HSPA4: variants seen among roughly 807,000 people sequenced by gnomAD.
HSPA4 encodes heat shock protein family A (Hsp70) member 4, also known as heat shock 70 kDa protein 4.
HSPA4 carries 25 observed loss-of-function variants against 106.2 expected under a neutral mutation model. The ratio of observed to expected loss-of-function variants is 0.24; its 90% CI spans 0.17 to 0.33. HSPA4 has a LOEUF of 0.33. Among genes scored for constraint, HSPA4 ranks in the 10% least tolerant of loss-of-function variants. HSPA4 has a pLI of 1.00. For synonymous variants in HSPA4, 332 were observed against 333.6 expected, an observed-to-expected ratio of 1.00 and a Z score of 0.05; for missense variants, 841 against 996.0, an observed-to-expected ratio of 0.84 and a Z score of 2.10.
chr5:133,070,948 C>G (rs1157913537), intron 4 of HSPA4, among the ~76,000 whole-genome samples: 2 of 152,032 alleles, frequency 1.3e-5, no homozygotes, highest in African/African-American at 2.4e-5. Flanking sequence ...TTCTTACTCT[C>G]TTCTGCTGCT....
intron 16 of HSPA4, 166 bp from the exon 17 acceptor site, chr5:133,101,593 C>T: frequency 1.7e-6 from 1 of 601,034 alleles, no homozygotes; most frequent in Non-Finnish European, 2.8e-6. Flanking sequence ...GGTATAGTTT[C>T]ATTCCCCTCC....
intron 4 of HSPA4, among the ~76,000 whole-genome samples, chr5:133,071,509 G>A (rs1399772729): frequency 6.6e-6 from 1 of 152,132 alleles, no homozygotes; most frequent in Non-Finnish European, 1.5e-5. Context: ...GCATATCCCT[G>A]TTAAGATGGA....
intron 8 of HSPA4, among the ~76,000 whole-genome samples, chr5:133,087,371 T>C (rs771162963): frequency 6.6e-6 from 1 of 152,178 alleles, no homozygotes; most frequent in Non-Finnish European, 1.5e-5. Flanking sequence ...TGATTGCTAT[T>C]TCAGAGTGTT....
intron 7 of HSPA4, among the ~76,000 whole-genome samples, chr5:133,082,499 G>A (rs1179731632): frequency 2.6e-5 from 4 of 151,494 alleles, no homozygotes; most frequent in Non-Finnish European, 5.9e-5. Flanking sequence ...AAGTTCTCAC[G>A]TTGTCATGCA....
chr5:133,052,209 G>C lies in HSPA4; in HGVS notation c.-42G>C, dbSNP rs1423703046. 4 of 1,399,724 alleles carry C rather than the reference G, an allele frequency of 2.9e-6. No homozygotes were observed. Among genetic ancestry groups the C allele is most frequent in the South Asian group, 1.2e-5 (1 of 82,144 alleles). The allele number at this position is 1,399,724 out of a possible 1,614,324, so 86.7% of individuals were successfully genotyped here. A position where few individuals can be genotyped will look rare whatever the true frequency, so the allele number is the denominator to read the frequency against. The stretch of plus-strand genomic sequence containing the variant: ...CCGCCGGGGGTCCGTGTCCTGTCTC[G>C]GTGGCCGGACCCGGGCCCGAGCCCG... On this transcript the variant is annotated 5_prime_UTR_variant, in exon 1 of 19. Transcript: ENST00000304858.
At chr5:133,082,841 A>C (rs1581474527) in intron 7 of HSPA4, among the ~76,000 whole-genome samples, 1 of 152,272 alleles carries the variant, frequency 6.6e-6, no homozygotes, top group Non-Finnish European at 1.5e-5. Context: ...GAAACTATCA[A>C]AAAACCTCTA....
chr5:133,082,439 A>G (rs1447119447), intron 7 of HSPA4, among the ~76,000 whole-genome samples: 2 of 152,150 alleles, frequency 1.3e-5, no homozygotes, highest in Non-Finnish European at 2.9e-5. Flanking sequence ...CAATAATTAC[A>G]TACTTTATTT....
At chr5:133,095,310 A>G (rs538642761) in intron 13 of HSPA4, among the ~76,000 whole-genome samples, 1 of 152,160 alleles carries the variant, frequency 6.6e-6, no homozygotes, top group East Asian at 1.9e-4. Context: ...TCAAAAAAAC[A>G]AACAAAAAAA....
intron 7 of HSPA4, among the ~76,000 whole-genome samples, chr5:133,083,538 TA>T (rs750975203): frequency 3.9e-5 from 6 of 152,060 alleles, no homozygotes; most frequent in Non-Finnish European, 5.9e-5. Flanking sequence ...TTAATTTTTT[TA>T]TTATTATTAT....
Position 133,088,425 on chromosome 5 carries a change from A to G in HSPA4, c.1007A>G (p.Tyr336Cys), listed in dbSNP as rs757324515. ...EQTKLKKEDI[Y>C]AVEIVGGATR... ...ATAGAGTTAAAGAAAGAAGATATTT[A>G]TGCAGTGGAGATAGTTGGTGGTGCT... Residue 336 changes from tyrosine (Y) to cysteine (C), a missense_variant, in exon 9 of 19, where the codon TAT becomes TGT. Transcript: ENST00000304858. 6.2e-7 allele frequency: 1 copy of G among 1,610,498 alleles called. No homozygotes were observed.
intron 1 of HSPA4, 31 bp downstream of exon 1, chr5:133,052,388 T>TG (rs771554235): frequency 9.5e-6 from 13 of 1,367,258 alleles, no homozygotes; most frequent in East Asian, 5.1e-5. Context: ...CCGCGTGCAC[T>TG]GGGGTTAGGA....
intron 17 of HSPA4, among the ~76,000 whole-genome samples, chr5:133,102,496 A>G (rs1008034673): frequency 2.0e-5 from 3 of 152,130 alleles, no homozygotes; most frequent in Non-Finnish European, 2.9e-5. Flanking sequence ...TCCACACAGT[A>G]CCTTTATAAG....
At chr5:133,070,618 C>T in intron 4 of HSPA4, 122 bp downstream of exon 4, 2 of 1,214,250 alleles carry the variant, frequency 1.6e-6, no homozygotes, top group Non-Finnish European at 2.3e-6. Context: ...AAATGTTTGT[C>T]AGGCCGGGTG....
chr5:133,061,289 AT>A (rs1765239094), intron 1 of HSPA4, among the ~76,000 whole-genome samples: 1 of 151,276 alleles, frequency 6.6e-6, no homozygotes, highest in South Asian at 2.1e-4. Flanking sequence ...TGCCTGGCTA[AT>A]TTTTTGTATT....
At position 133,063,502 on chromosome 5, in the gene HSPA4, C is replaced by T. The variant is rs189082826; in HGVS notation, c.108-1478C>T. Among the ~76,000 whole-genome samples the T allele has an allele frequency of 2.9e-3, 439 of 152,178 alleles. 2 individuals carry two copies. Among genetic ancestry groups the T allele is most frequent in the African/African-American group, 0.01 (426 of 41,502 alleles). On this transcript the variant is annotated intron_variant, in intron 1 of 18. Coordinates refer to ENST00000304858, the MANE Select transcript of HSPA4 (RefSeq NM_002154.4). ...CTGGAGTGCAGTGGTGCGATCTTGGCTCACTGCAACCTCCGTCTCCCAGGT... is the reference window on the plus strand; with the variant it reads ...CTGGAGTGCAGTGGTGCGATCTTGGTTCACTGCAACCTCCGTCTCCCAGGT...
Position 133,089,074 on chromosome 5 carries a change from C to A in HSPA4, c.1157C>A (p.Ala386Asp). 6.3e-7 allele frequency: 1 copy of A among 1,597,938 alleles called. No individual in the cohort carries two copies. The highest frequency in any genetic ancestry group is 8.5e-7 in the Non-Finnish European group (1 of 1,171,234). ...TTCTAGTGTGCCATCTTATCGCCTGCTTTCAAAGTCAGAGAATTTTCTATC... is the reference window on the plus strand; with the variant it reads ...TTCTAGTGTGCCATCTTATCGCCTGATTTCAAAGTCAGAGAATTTTCTATC... ...CALQCAILSP[A>D]FKVREFSITD... Residue 386 changes from alanine (A) to aspartate (D), a missense_variant, in exon 10 of 19, where the codon GCT (alanine) becomes GAT (aspartate). This residue lies in a region of HSPA4 where 162 missense variants were observed against 177.7 expected (regional missense o/e 0.91). Transcript: ENST00000304858.
At chr5:133,058,324 T>G (rs1046176208) in intron 1 of HSPA4, among the ~76,000 whole-genome samples, 1 of 152,028 alleles carries the variant, frequency 6.6e-6, no homozygotes, top group Non-Finnish European at 1.5e-5. Flanking sequence ...AAGGCTGCAG[T>G]GAGCCGTGAT....
At chr5:133,072,972 A>G (rs114734888) in intron 4 of HSPA4, among the ~76,000 whole-genome samples, 2 of 152,256 alleles carry the variant, frequency 1.3e-5, no homozygotes, top group African/African-American at 2.4e-5. Context: ...TGGCCTTTAT[A>G]TTAACTCTTC....
At chr5:133,076,569 A>T in intron 6 of HSPA4, 85 bp from the exon 7 acceptor site, 4 of 1,212,328 alleles carry the variant, frequency 3.3e-6, no homozygotes, top group Admixed American at 2.4e-5. Context: ...TTTTTTTTAG[A>T]TAAACAACTT....
Sources: gnomAD v4.1 joint callset for allele counts (sites outside exome capture counted in the v4.1 genomes callset) on GRCh38, gnomAD v4.1.1 for gene constraint, gnomAD v4.1.1 regional missense constraint, MANE v1.5 for transcripts, NCBI Gene and HGNC (gene_info 2026-07-23, HGNC 2026-07-21) for gene names.